The following LMLN variants were observed in gnomAD, a reference collection of about 807,000 sequenced individuals.
LMLN encodes leishmanolysin like peptidase.
In LMLN, 70 loss-of-function variants were observed where a neutral mutation model predicts 92.3. That is an observed-to-expected ratio of 0.76 (90% CI 0.63 to 0.92). The LOEUF (loss-of-function observed/expected upper bound fraction) is 0.92, where lower values mean the gene tolerates loss of function less well. Among genes scored for constraint, LMLN ranks in the 40% least tolerant of loss-of-function variants. The pLI, the probability that LMLN is intolerant of heterozygous loss-of-function variation, is 0.00. For missense variants in LMLN, 691 were observed against 814.6 expected (o/e 0.85, Z 1.85); for synonymous variants, 308 against 296.2 (o/e 1.04, Z -0.41).
chr3:197,973,450 G>A (rs1033920648), intron 1 of LMLN, among the ~76,000 whole-genome samples: 2 of 152,064 alleles, frequency 1.3e-5, no homozygotes, highest in African/African-American at 4.8e-5. Context: ...CACCATGTTA[G>A]CCAGGATGGT....
At chr3:197,980,418 C>T (rs146220433) in exon 6 of LMLN, 35 of 1,611,190 alleles carry the variant, frequency 2.2e-5, no homozygotes, top group Admixed American at 5.0e-5. Flanking sequence ...TTGTTCTTTA[C>T]GTTGGTGCTC....
intron 14 of LMLN, among the ~76,000 whole-genome samples, chr3:198,027,510 C>A (rs1481176895): frequency 6.6e-6 from 1 of 152,154 alleles, no homozygotes; most frequent in Admixed American, 6.6e-5. Context: ...AACAATCCCT[C>A]CCTCTTCCTC....
chr3:198,007,005 A>C (rs1722313211), intron 11 of LMLN, among the ~76,000 whole-genome samples: 1 of 152,140 alleles, frequency 6.6e-6, no homozygotes, highest in African/African-American at 2.4e-5. Flanking sequence ...GCCACTCTTA[A>C]GCCAATTTTT....
intron 10 of LMLN, among the ~76,000 whole-genome samples, chr3:197,997,506 G>T (rs1373067818): frequency 7.9e-5 from 12 of 152,220 alleles, no homozygotes; most frequent in Admixed American, 7.9e-4. Context: ...TTGTAAATCT[G>T]AGTATTGAGG....
At chr3:197,976,609 C>T in exon 5 of LMLN, 1 of 1,586,080 alleles carries the variant, frequency 6.3e-7, no homozygotes, top group Non-Finnish European at 8.6e-7. Flanking sequence ...CAATGTGCAA[C>T]AAACCAATAC....
intron 9 of LMLN, among the ~76,000 whole-genome samples, chr3:197,994,318 GAA>G (rs1456835696): frequency 6.6e-6 from 1 of 152,152 alleles, no homozygotes; most frequent in Non-Finnish European, 1.5e-5. Context: ...ACAAAAGTGT[GAA>G]GAGACAGCCT....
intron 11 of LMLN, among the ~76,000 whole-genome samples, chr3:198,006,070 T>G (rs1374760975): frequency 6.6e-6 from 1 of 152,128 alleles, no homozygotes; most frequent in African/African-American, 2.4e-5. Flanking sequence ...TGAGCCAAGA[T>G]CGCACCACTG....
At chr3:197,997,020 CTTTT>C (rs1722042092) in intron 10 of LMLN, among the ~76,000 whole-genome samples, 7 of 139,846 alleles carry the variant, frequency 5.0e-5, no homozygotes, top group African/African-American at 1.9e-4. Context: ...CTTTTCCTTT[CTTTT>C]CTTTTCTTTT....
At chr3:198,002,459 TGG>T (rs2109904160) in intron 11 of LMLN, among the ~76,000 whole-genome samples, 1 of 152,340 alleles carries the variant, frequency 6.6e-6, no homozygotes, top group East Asian at 1.9e-4. Context: ...GGACATAGGC[TGG>T]GCACAGTGGC....
chr3:197,965,023 A>AT (rs1560131200), intron 1 of LMLN, among the ~76,000 whole-genome samples: 1 of 150,214 alleles, frequency 6.7e-6, no homozygotes, highest in African/African-American at 2.4e-5. Context: ...AAAAAAAAAA[A>AT]AGAAAGAAAG....
intron 15 of LMLN, among the ~76,000 whole-genome samples, chr3:198,036,321 T>C (rs890144074): frequency 2.0e-5 from 3 of 152,186 alleles, no homozygotes; most frequent in African/African-American, 7.2e-5. Context: ...AAAGTGAACG[T>C]TGTATCCATT....
intron 10 of LMLN, 138 bp from the exon 11 acceptor site, chr3:197,999,128 T>C (rs1722103184): frequency 3.0e-6 from 2 of 659,284 alleles, no homozygotes; most frequent in South Asian, 3.7e-5. Flanking sequence ...AAGGTTTATG[T>C]ATTTCACCAC....
chr3:197,982,185 C>G (rs1721576921), intron 6 of LMLN, among the ~76,000 whole-genome samples: 1 of 149,660 alleles, frequency 6.7e-6, no homozygotes, highest in East Asian at 2.0e-4. Context: ...AGTTAACTAA[C>G]TTCTCCTAGA....
At chr3:197,961,133 C>A (rs761494876) in intron 1 of LMLN, among the ~76,000 whole-genome samples, 1 of 152,282 alleles carries the variant, frequency 6.6e-6, no homozygotes, top group Middle Eastern at 3.4e-3. Flanking sequence ...AAAAGTACAT[C>A]GTGTCTGTAC....
At chr3:198,003,102 C>A in intron 11 of LMLN, 1 of 1,548,854 alleles carries the variant, frequency 6.5e-7, no homozygotes, top group Non-Finnish European at 8.7e-7. Context: ...GCTGTAAATT[C>A]TGGATTGATC....
At chr3:197,977,962 T>C (rs1160461024) in intron 5 of LMLN, among the ~76,000 whole-genome samples, 1 of 151,320 alleles carries the variant, frequency 6.6e-6, no homozygotes, top group African/African-American at 2.4e-5. Flanking sequence ...TGGATACATA[T>C]AAAAATTATC....
At chr3:197,978,660 TATCTC>T (rs1721471327) in intron 5 of LMLN, among the ~76,000 whole-genome samples, 1 of 151,936 alleles carries the variant, frequency 6.6e-6, no homozygotes, top group Non-Finnish European at 1.5e-5. Context: ...TAAATAATAA[TATCTC>T]AGACTATGCC....
chr3:197,993,783 G>T (rs2109888555), intron 9 of LMLN, among the ~76,000 whole-genome samples: 1 of 152,100 alleles, frequency 6.6e-6, no homozygotes, highest in South Asian at 2.1e-4. Context: ...AGAAAAAATA[G>T]CCAAAACAAT....
At chr3:198,039,400 G>A (rs1028309773) in exon 16 of LMLN, 10 of 152,160 alleles carry the variant, frequency 6.6e-5, no homozygotes, top group Admixed American at 4.6e-4. Flanking sequence ...ATTGTCCTTT[G>A]AGTTATAGAA....
Sources: gnomAD v4.1 joint callset for allele counts (sites outside exome capture counted in the v4.1 genomes callset) on GRCh38, gnomAD v4.1.1 for gene constraint, MANE v1.5 for transcripts, NCBI Gene and HGNC (gene_info 2026-07-23, HGNC 2026-07-21) for gene names.